TOX2: variants seen among roughly 807,000 people sequenced by gnomAD.
TOX2 encodes the protein TOX high mobility group box family member 2.
A neutral mutation model predicts 47.4 loss-of-function variants in TOX2; 15 were observed. That is an observed-to-expected ratio of 0.32 (90% CI 0.21 to 0.49). The LOEUF is 0.49. TOX2 is among the 20% of genes least tolerant of loss of function. The probability of loss-of-function intolerance (pLI) is 0.99; values close to 1 mark genes in which losing one functional copy is unlikely to be tolerated. For missense variants in TOX2, 622 were observed against 673.1 expected (o/e 0.92, Z 0.84); for synonymous variants, 290 against 296.6 (o/e 0.98, Z 0.23).
chr20:43,964,160 C>A (rs536154846), intron 1 of TOX2, among the ~76,000 whole-genome samples: 79 of 151,866 alleles, frequency 5.2e-4, no homozygotes, highest in African/African-American at 1.8e-3. Flanking sequence ...GGCAGCCAGA[C>A]CAGGGCCTGT....
intron 1 of TOX2, among the ~76,000 whole-genome samples, chr20:43,951,281 AAT>A (rs1242834924): frequency 6.6e-6 from 1 of 152,152 alleles, no homozygotes; most frequent in Non-Finnish European, 1.5e-5. Context: ...CTACCTTTAA[AAT>A]AGAGTAGATA....
intron 2 of TOX2, among the ~76,000 whole-genome samples, chr20:43,979,278 A>T (rs2070132284): frequency 1.3e-5 from 2 of 152,192 alleles, no homozygotes; most frequent in Non-Finnish European, 2.9e-5. Flanking sequence ...AGATTTATGG[A>T]GAGAGGGAAG....
intron 3 of TOX2, among the ~76,000 whole-genome samples, chr20:44,041,694 C>G (rs2071334134): frequency 6.6e-6 from 1 of 152,228 alleles, no homozygotes. Flanking sequence ...GTAACTATAG[C>G]AAGAATGAAG....
chr20:44,006,782 A>C lies in TOX2; in HGVS notation c.401A>C (p.Gln134Pro). ...CAGGACAGCCACCTGCTGTCGGGCCAGCTGCCCACGGTGAGTCCCTATCGC... is the reference window on the plus strand; with the variant it reads ...CAGGACAGCCACCTGCTGTCGGGCCCGCTGCCCACGGTGAGTCCCTATCGC... ...LAQDSHLLSG[Q>P]LPTIQEMVHS... Residue 134 changes from glutamine to proline, a missense_variant, in exon 3 of 9, where the codon CAG becomes CCG. By Grantham distance (76) the Gln-to-Pro change is moderately conservative. Transcript: ENST00000341197. The C allele has an allele frequency of 6.2e-7, 1 of 1,613,316 alleles. No individual in the cohort carries two copies. The highest frequency in any genetic ancestry group is 2.2e-5 in the East Asian group (1 of 44,864).
At chr20:43,979,588 A>G (rs2070137073) in intron 2 of TOX2, among the ~76,000 whole-genome samples, 1 of 152,216 alleles carries the variant, frequency 6.6e-6, no homozygotes, top group Non-Finnish European at 1.5e-5. Context: ...AACAAAGTGA[A>G]GAGACAGCCC....
Position 43,925,354 on chromosome 20 carries a change from C to G in TOX2, c.99+10364C>G, listed in dbSNP as rs552047779. ...AGGGTGGATGTTGAGTAGAAACGCT[C>G]TGTGTGTGGTGTGTGAGTGCAGACT... On this transcript the variant is annotated intron_variant, in intron 1 of 8. Coordinates refer to ENST00000341197, the MANE Select transcript of TOX2 (RefSeq NM_001098797.2). 3.9e-5 allele frequency among the ~76,000 whole-genome samples: 6 copies of G among 152,116 alleles called. No homozygotes were observed. In the South Asian group the frequency reaches 8.3e-4, roughly 21 times the overall value.
At chr20:44,061,658 A>C (rs2071720723) in intron 5 of TOX2, among the ~76,000 whole-genome samples, 2 of 152,004 alleles carry the variant, frequency 1.3e-5, no homozygotes, top group Admixed American at 6.5e-5. Context: ...CAAATCTGTA[A>C]AGAGGAAGTC....
intron 1 of TOX2, among the ~76,000 whole-genome samples, chr20:43,946,981 T>G (rs971988651): frequency 6.6e-6 from 1 of 152,234 alleles, no homozygotes; most frequent in East Asian, 1.9e-4. Flanking sequence ...TTCCGTCATT[T>G]GGAACATCCT....
At position 44,068,578 on chromosome 20, in the gene TOX2, G is replaced by T; in HGVS notation, c.1485-72G>T. Reference sequence around the variant, plus strand: ...CAGGGGTGGGGGTGGGGCGTACAGTGCAGGGGTCCTGGTGCTCCCCTGGCC... The same window carrying T: ...CAGGGGTGGGGGTGGGGCGTACAGTTCAGGGGTCCTGGTGCTCCCCTGGCC... On this transcript the variant is annotated intron_variant, in intron 8 of 8. Transcript: ENST00000341197. 4 of 1,542,754 alleles carry T rather than the reference G, an allele frequency of 2.6e-6. No individual in the cohort carries two copies. In the South Asian group the frequency reaches 4.9e-5, roughly 19 times the overall value.
intron 1 of TOX2, among the ~76,000 whole-genome samples, chr20:43,953,999 A>G (rs1022450592): frequency 6.6e-6 from 1 of 152,186 alleles, no homozygotes; most frequent in African/African-American, 2.4e-5. Flanking sequence ...CATGGAATCC[A>G]TCCTCCACGT....
At chr20:43,989,372 T>C (rs2070328383) in intron 2 of TOX2, among the ~76,000 whole-genome samples, 1 of 152,200 alleles carries the variant, frequency 6.6e-6, no homozygotes, top group Non-Finnish European at 1.5e-5. Flanking sequence ...AGAATCAACA[T>C]GGAAGCTCAG....
intron 3 of TOX2, among the ~76,000 whole-genome samples, chr20:44,033,644 T>G (rs1055221555): frequency 6.7e-6 from 1 of 149,150 alleles, no homozygotes; most frequent in African/African-American, 2.5e-5. Context: ...TCATGTGATG[T>G]GGGGCCACAA....
intron 1 of TOX2, among the ~76,000 whole-genome samples, chr20:43,918,371 A>G (rs534182445): frequency 6.6e-6 from 1 of 152,302 alleles, no homozygotes; most frequent in South Asian, 2.1e-4. Context: ...CAGTTCCATG[A>G]GTTTTGATAA....
chr20:43,998,587 G>T (rs544656847), intron 2 of TOX2, among the ~76,000 whole-genome samples: 5 of 152,014 alleles, frequency 3.3e-5, no homozygotes, highest in Non-Finnish European at 5.9e-5. Flanking sequence ...ATAAAAATTT[G>T]TCATTTCTTC....
chr20:43,921,263 C>A (rs2069109945), intron 1 of TOX2, among the ~76,000 whole-genome samples: 1 of 152,186 alleles, frequency 6.6e-6, no homozygotes, highest in African/African-American at 2.4e-5. Context: ...CAGCAGTCCC[C>A]CTGCTGTGTG....
chr20:44,060,870 C>A (rs6073302), intron 5 of TOX2, among the ~76,000 whole-genome samples: 71,001 of 151,756 alleles, frequency 0.47, 17,324 homozygotes, highest in East Asian at 0.6. Flanking sequence ...GAGAACACAC[C>A]AAACTCAAAC....
chr20:44,058,011 TAAC>T (rs1185263198), intron 5 of TOX2, among the ~76,000 whole-genome samples: 8 of 145,730 alleles, frequency 5.5e-5, no homozygotes, highest in African/African-American at 2.0e-4. Flanking sequence ...GAGGCAGGAC[TAAC>T]TTGCAGCTCC....
intron 1 of TOX2, among the ~76,000 whole-genome samples, chr20:43,953,942 G>A (rs1365089485): frequency 1.3e-5 from 2 of 152,136 alleles, no homozygotes; most frequent in South Asian, 2.1e-4. Context: ...GATTTCTCAT[G>A]CATCCATTTT....
intron 4 of TOX2, among the ~76,000 whole-genome samples, chr20:44,053,012 T>A (rs1323193163): frequency 1.3e-5 from 2 of 152,230 alleles, no homozygotes; most frequent in Admixed American, 1.3e-4. Context: ...TGCCTGATCA[T>A]GCCTACTGGC....
Sources: allele counts gnomAD v4.1 joint callset (sites outside exome capture counted in the v4.1 genomes callset), GRCh38; gene constraint gnomAD v4.1.1; transcripts MANE v1.5; gene names NCBI Gene and HGNC (gene_info 2026-07-23, HGNC 2026-07-21).